The following MSANTD3 variants were observed in gnomAD, a reference collection of about 807,000 sequenced individuals.
The protein encoded by MSANTD3 is Myb/SANT DNA binding domain containing 3.
In MSANTD3, 11 loss-of-function variants were observed where a neutral mutation model predicts 27.7. That is an observed-to-expected ratio of 0.40 (90% CI 0.25 to 0.66). The LOEUF is 0.66. Among genes scored for constraint, MSANTD3 ranks in the 30% least tolerant of loss-of-function variants. The pLI, the probability that MSANTD3 is intolerant of heterozygous loss-of-function variation, is 0.41. For missense variants in MSANTD3, 250 were observed against 336.5 expected (o/e 0.74, Z 2.01); for synonymous variants, 131 against 127.2 (o/e 1.03, Z -0.20).
intron 2 of MSANTD3, chr9:100,448,864 C>T: frequency 1.0e-6 from 1 of 984,974 alleles, no homozygotes; most frequent in Non-Finnish European, 1.2e-6. Context: ...AACTTCTCTT[C>T]CAGAAGTAAG....
At chr9:100,446,929 A>G (rs1393372409) in intron 2 of MSANTD3, among the ~76,000 whole-genome samples, 2 of 151,728 alleles carry the variant, frequency 1.3e-5, no homozygotes, top group Admixed American at 1.3e-4. Flanking sequence ...CATCTTATTT[A>G]TCCCCTTTCC....
rs763335474 is a variant in MSANTD3, at chr9:100,442,022, T to C, written c.84T>C (p.Tyr28=). ...KSILLALVEK[Y]KYVLECKKSD... ...TCCTGCTGGCTTTAGTAGAAAAGTA[T>C]AAATATGTGCTGGAATGTAAGAAAA... Residue 28 remains tyrosine, a synonymous_variant, in exon 2 of 3, where the codon TAT becomes TAC. Coordinates refer to ENST00000395067, the MANE Select transcript of MSANTD3 (RefSeq NM_080655.3). 6.2e-7 allele frequency: 1 copy of C among 1,614,176 alleles called. No homozygotes were observed. The highest frequency in any genetic ancestry group is 1.7e-5 in the Admixed American group (1 of 60,028).
At chr9:100,437,812 T>C (rs1836509477) in intron 1 of MSANTD3, among the ~76,000 whole-genome samples, 1 of 152,190 alleles carries the variant, frequency 6.6e-6, no homozygotes, top group Non-Finnish European at 1.5e-5. Context: ...TACATGCATA[T>C]GTATATGTAT....
At chr9:100,448,338 G>A (rs950072941) in intron 2 of MSANTD3, 4 of 984,946 alleles carry the variant, frequency 4.1e-6, no homozygotes, top group Non-Finnish European at 4.8e-6. Flanking sequence ...GAGACTAGAA[G>A]TACCACAAAA....
chr9:100,439,898 A>G lies in MSANTD3; in HGVS notation c.-33-2008A>G, dbSNP rs117796861. On this transcript the variant is annotated intron_variant, in intron 1 of 2. Coordinates refer to ENST00000395067, the MANE Select transcript of MSANTD3 (RefSeq NM_080655.3). ...ATCTTGATGCATGCCTGTTACTCTG[A>G]GAAATCAGAGGCTTGGAGAATGTAA... 9.6e-3 allele frequency among the ~76,000 whole-genome samples: 1,462 copies of G among 152,202 alleles called. 29 individuals carry two copies. The highest frequency in any genetic ancestry group is 0.014 in the Non-Finnish European group (920 of 68,008).
Position 100,442,272 on chromosome 9 carries a change from G to A in MSANTD3, c.334G>A (p.Ala112Thr), listed in dbSNP as rs768199511. ...STHVLGKEKI[A>T]SMLPEQLYFL... ...CCACGTCCTAGGGAAGGAGAAGATCGCCAGCATGCTGCCGGAGCAGCTCTA... is the reference window on the plus strand; with the variant it reads ...CCACGTCCTAGGGAAGGAGAAGATCACCAGCATGCTGCCGGAGCAGCTCTA... Residue 112 changes from alanine to threonine, a missense_variant, in exon 2 of 3, where the codon GCC becomes ACC. This residue lies in a region of MSANTD3 where 235 missense variants were observed against 299.3 expected (regional missense o/e 0.79). Coordinates refer to ENST00000395067, the MANE Select transcript of MSANTD3 (RefSeq NM_080655.3). The A allele has an allele frequency of 3.9e-5, 63 of 1,614,100 alleles. No individual in the cohort carries two copies. In the South Asian group the frequency reaches 6.1e-4, roughly 16 times the overall value.
intron 1 of MSANTD3, among the ~76,000 whole-genome samples, chr9:100,439,281 C>G (rs1836547116): frequency 6.6e-6 from 1 of 152,130 alleles, no homozygotes; most frequent in East Asian, 1.9e-4. Context: ...TACAGAAACC[C>G]CTTCCCAGGC....
At chr9:100,441,573 A>T (rs1024514061) in intron 1 of MSANTD3, among the ~76,000 whole-genome samples, 4 of 152,036 alleles carry the variant, frequency 2.6e-5, no homozygotes, top group Admixed American at 6.6e-5. Context: ...CGGGAGGTGG[A>T]GGTTGCAGTG....
intron 1 of MSANTD3, 27 bp from the exon 2 acceptor site, chr9:100,441,879 A>G: frequency 6.5e-7 from 1 of 1,530,218 alleles, no homozygotes; most frequent in East Asian, 2.3e-5. Context: ...GGAGTTGGTA[A>G]TCATTGCTTC....
intron 1 of MSANTD3, among the ~76,000 whole-genome samples, chr9:100,437,663 G>A: frequency 6.6e-6 from 1 of 152,126 alleles, no homozygotes; most frequent in Non-Finnish European, 1.5e-5. Context: ...TGGTAACTTT[G>A]GATTTACTTA....
At chr9:100,443,835 C>T (rs1259572061) in intron 2 of MSANTD3, among the ~76,000 whole-genome samples, 2 of 152,168 alleles carry the variant, frequency 1.3e-5, no homozygotes, top group African/African-American at 4.8e-5. Flanking sequence ...TTGCAGAAGA[C>T]AGACATTGAA....
At chr9:100,439,804 C>T (rs1836561522) in intron 1 of MSANTD3, among the ~76,000 whole-genome samples, 1 of 151,936 alleles carries the variant, frequency 6.6e-6, no homozygotes, top group African/African-American at 2.4e-5. Flanking sequence ...CAGGTGTGAG[C>T]CATTACGCCT....
intron 1 of MSANTD3, among the ~76,000 whole-genome samples, chr9:100,427,827 CGGGA>C (rs1836279418): frequency 6.6e-6 from 1 of 152,152 alleles, no homozygotes; most frequent in Non-Finnish European, 1.5e-5. Context: ...CAGAGTGTAA[CGGGA>C]GGGATCCCTC....
chr9:100,451,010 G>T lies in MSANTD3; in HGVS notation c.*44G>T, dbSNP rs367787747. 3.4e-5 allele frequency: 52 copies of T among 1,523,054 alleles called. No homozygotes were observed. The highest frequency in any genetic ancestry group is 9.0e-5 in the East Asian group (4 of 44,364). 94.3% of individuals were successfully genotyped at this position (1,523,054 alleles called of 1,614,324 possible). On this transcript the variant is annotated 3_prime_UTR_variant, in exon 3 of 3. Coordinates refer to ENST00000395067, the MANE Select transcript of MSANTD3 (RefSeq NM_080655.3). Reference sequence around the variant, plus strand: ...CTTGTAATTAATCTGTGTTGGCAAAGAATGTCTGGAACATGGACTTGGCGG... The same window carrying T: ...CTTGTAATTAATCTGTGTTGGCAAATAATGTCTGGAACATGGACTTGGCGG...
chr9:100,448,289 TA>T (rs1836805844), intron 2 of MSANTD3: 2 of 980,346 alleles, frequency 2.0e-6, no homozygotes, highest in African/African-American at 3.6e-5. Flanking sequence ...CTCAGAGGAG[TA>T]TCCAGAACTA....
At chr9:100,428,466 GAGA>G (rs1587779499) in intron 1 of MSANTD3, among the ~76,000 whole-genome samples, 1 of 152,138 alleles carries the variant, frequency 6.6e-6, no homozygotes. Flanking sequence ...GGACAAGGGG[GAGA>G]AGAAGGATTC....
At position 100,439,571 on chromosome 9, in the gene MSANTD3, G is replaced by A. The variant is rs538796644; in HGVS notation, c.-33-2335G>A. Among the ~76,000 whole-genome samples, 30 of 150,832 alleles carry A rather than the reference G, an allele frequency of 2.0e-4. No individual in the cohort carries two copies. In the Middle Eastern group the frequency reaches 0.01, roughly 51 times the overall value. On this transcript the variant is annotated intron_variant, in intron 1 of 2. Coordinates refer to ENST00000395067, the MANE Select transcript of MSANTD3 (RefSeq NM_080655.3). The stretch of plus-strand genomic sequence containing the variant: ...GTCATCCAGGCTGGAGTGCAGTGGC[G>A]CGATCTCAGCTCACTGCAAGCTCCG...
intron 2 of MSANTD3, chr9:100,448,696 G>T: frequency 1.0e-6 from 1 of 985,268 alleles, no homozygotes; most frequent in East Asian, 1.1e-4. Flanking sequence ...GAGGTAAACT[G>T]CCAGTTTTAA....
rs866036084 is a variant in MSANTD3, at chr9:100,433,638, G to A, written c.-34+6245G>A. 1.6e-4 allele frequency among the ~76,000 whole-genome samples: 24 copies of A among 152,276 alleles called. No individual in the cohort carries two copies. In the Middle Eastern group the frequency reaches 0.014, roughly 86 times the overall value. ...GCAATCCTCCTGCCTTAGGCCCAAA[G>A]TTCTGTGATTACAGATGGTGATCAC... On this transcript the variant is annotated intron_variant, in intron 1 of 2. Coordinates refer to ENST00000395067, the MANE Select transcript of MSANTD3 (RefSeq NM_080655.3).
Sources: allele counts gnomAD v4.1 joint callset (sites outside exome capture counted in the v4.1 genomes callset), GRCh38; gene constraint gnomAD v4.1.1; regional missense constraint gnomAD v4.1.1; transcripts MANE v1.5; gene names NCBI Gene and HGNC (gene_info 2026-07-23, HGNC 2026-07-21).